The following LYN variants were observed in gnomAD, a reference collection of about 807,000 sequenced individuals.
LYN encodes LYN proto-oncogene, Src family tyrosine kinase.
LYN carries 12 observed loss-of-function variants against 65.0 expected under a neutral mutation model. The ratio of observed to expected loss-of-function variants is 0.18; its 90% confidence interval spans 0.12 to 0.30. The LOEUF is 0.30. Among genes scored for constraint, LYN ranks in the 10% least tolerant of loss-of-function variants. The probability of loss-of-function intolerance (pLI) is 1.00; values close to 1 mark genes in which losing one functional copy is unlikely to be tolerated. For missense variants in LYN, 380 were observed against 623.2 expected, an observed-to-expected ratio of 0.61 and a Z score of 4.16; for synonymous variants, 222 against 221.2, an observed-to-expected ratio of 1.00 and a Z score of -0.03.
chr8:55,934,785 C>T (rs112157637), intron 1 of LYN, among the ~76,000 whole-genome samples: 2 of 152,204 alleles, frequency 1.3e-5, no homozygotes, highest in Non-Finnish European at 2.9e-5. Flanking sequence ...CACCTCACCC[C>T]CCTTTCCCAA....
intron 8 of LYN, among the ~76,000 whole-genome samples, chr8:55,961,891 C>G (rs1204513114): frequency 2.0e-5 from 3 of 152,064 alleles, no homozygotes; most frequent in Non-Finnish European, 2.9e-5. Flanking sequence ...CACCCACACC[C>G]TACCTGTCCC....
intron 1 of LYN, among the ~76,000 whole-genome samples, chr8:55,922,916 G>A (rs914840184): frequency 2.6e-5 from 4 of 152,152 alleles, no homozygotes; most frequent in African/African-American, 7.2e-5. Flanking sequence ...TTAATATTAG[G>A]TAGGGTTTAG....
At chr8:55,884,992 C>G (rs1804752507) in intron 1 of LYN, among the ~76,000 whole-genome samples, 1 of 152,166 alleles carries the variant, frequency 6.6e-6, no homozygotes, top group African/African-American at 2.4e-5. Context: ...AGAACTCTTC[C>G]ATGGCATTGC....
intron 1 of LYN, among the ~76,000 whole-genome samples, chr8:55,891,288 G>T (rs1804955030): frequency 6.6e-6 from 1 of 151,306 alleles, no homozygotes; most frequent in African/African-American, 2.4e-5. Flanking sequence ...GGAGGCAGAG[G>T]TTGCAGTGAG....
intron 1 of LYN, among the ~76,000 whole-genome samples, chr8:55,911,194 C>T (rs776660567): frequency 0.19 from 3,094 of 15,906 alleles, 1,124 homozygotes; most frequent in Middle Eastern, 0.45. Context: ...TATATACACA[C>T]ACACATATAT....
At chr8:55,994,016 C>A (rs1340206947) in intron 10 of LYN, among the ~76,000 whole-genome samples, 3 of 152,150 alleles carry the variant, frequency 2.0e-5, no homozygotes, top group Non-Finnish European at 2.9e-5. Flanking sequence ...AGAAGGTATT[C>A]CATGAAAAGT....
At chr8:55,932,079 T>C (rs1284670605) in intron 1 of LYN, among the ~76,000 whole-genome samples, 1 of 152,158 alleles carries the variant, frequency 6.6e-6, no homozygotes, top group African/African-American at 2.4e-5. Context: ...TGCAAAACCA[T>C]TTGAGTTGAA....
At chr8:55,919,853 C>A (rs557251092) in intron 1 of LYN, among the ~76,000 whole-genome samples, 1 of 145,568 alleles carries the variant, frequency 6.9e-6, no homozygotes, top group Non-Finnish European at 1.5e-5. Context: ...CAGGCAAAGA[C>A]GCTGCTTGGA....
intron 1 of LYN, among the ~76,000 whole-genome samples, chr8:55,906,734 A>AAGAG (rs567405661): frequency 0.049 from 6,033 of 123,892 alleles, 130 homozygotes; most frequent in African/African-American, 0.09. Context: ...AGAAAAAAAA[A>AAGAG]AGAGAGAGAG....
At chr8:55,955,733 A>G (rs545854240) in intron 8 of LYN, among the ~76,000 whole-genome samples, 1 of 152,274 alleles carries the variant, frequency 6.6e-6, no homozygotes, top group East Asian at 1.9e-4. Context: ...TGTCTCTATG[A>G]ATTTAACCAC....
At chr8:55,912,337 T>C (rs1445519394) in intron 1 of LYN, among the ~76,000 whole-genome samples, 2 of 152,212 alleles carry the variant, frequency 1.3e-5, no homozygotes, top group African/African-American at 2.4e-5. Flanking sequence ...GAAATCAGGC[T>C]TGAATACTCC....
intron 1 of LYN, among the ~76,000 whole-genome samples, chr8:55,922,666 C>A (rs1432103839): frequency 1.3e-5 from 2 of 151,830 alleles, no homozygotes; most frequent in African/African-American, 4.8e-5. Context: ...ATTGGGGGAG[C>A]TGAGGCAGGT....
At chr8:55,929,825 A>T (rs1439182365) in intron 1 of LYN, among the ~76,000 whole-genome samples, 2 of 152,180 alleles carry the variant, frequency 1.3e-5, no homozygotes, top group African/African-American at 2.4e-5. Flanking sequence ...AAGCAGATTT[A>T]TTTATATCCA....
At chr8:55,908,835 C>G (rs1805502669) in intron 1 of LYN, among the ~76,000 whole-genome samples, 1 of 151,818 alleles carries the variant, frequency 6.6e-6, no homozygotes, top group African/African-American at 2.4e-5. Context: ...TAAGTGAGAA[C>G]ATGCAGTATT....
intron 10 of LYN, among the ~76,000 whole-genome samples, chr8:55,988,735 G>A (rs1808154719): frequency 6.6e-6 from 1 of 152,110 alleles, no homozygotes; most frequent in Non-Finnish European, 1.5e-5. Context: ...TGCGTTTTCA[G>A]TTCCAGTTTC....
chr8:55,925,112 C>T (rs571756885), intron 1 of LYN, among the ~76,000 whole-genome samples: 2 of 151,388 alleles, frequency 1.3e-5, no homozygotes, highest in African/African-American at 2.4e-5. Flanking sequence ...CGTGAGCCAC[C>T]GTGCCCGGCC....
In LYN at chr8:55,958,138, T is replaced by A. The variant is rs149087421; in HGVS notation, c.790+4154T>A. Among the ~76,000 whole-genome samples the A allele has an allele frequency of 4.2e-4, 64 of 152,242 alleles. 1 individual carries two copies. Among genetic ancestry groups the A allele is most frequent in the African/African-American group, 1.5e-3 (62 of 41,540 alleles). ...TTACACCCCCTGTTCTGTCGTAAGG[T>A]GTAAGTCTGCACTAAAATTGTACAC... On this transcript the variant is annotated intron_variant, in intron 8 of 12. Transcript: ENST00000519728.
At chr8:55,976,158 G>A (rs1308672429) in intron 10 of LYN, among the ~76,000 whole-genome samples, 1 of 151,908 alleles carries the variant, frequency 6.6e-6, no homozygotes, top group Non-Finnish European at 1.5e-5. Flanking sequence ...TTGAAAAGTG[G>A]AGATGAAAGC....
chr8:55,963,631 C>T (rs138355114), intron 8 of LYN, among the ~76,000 whole-genome samples: 16 of 152,324 alleles, frequency 1.1e-4, no homozygotes, highest in African/African-American at 3.8e-4. Flanking sequence ...GCAGTGGTTT[C>T]TCATGACTTT....
Sources: gnomAD v4.1 joint callset for allele counts (sites outside exome capture counted in the v4.1 genomes callset) on GRCh38, gnomAD v4.1.1 for gene constraint, MANE v1.5 for transcripts, NCBI Gene and HGNC (gene_info 2026-07-23, HGNC 2026-07-21) for gene names.